RIMS1: variants seen among roughly 807,000 people sequenced by gnomAD.
The protein encoded by RIMS1 is regulating synaptic membrane exocytosis protein 1.
RIMS1 carries 83 observed loss-of-function variants against 214.1 expected under a neutral mutation model. The observed-to-expected ratio is 0.39, with a 90% confidence interval of 0.32 to 0.47. RIMS1 has a LOEUF of 0.47. RIMS1 is among the 20% of genes least tolerant of loss of function. The pLI is 0.99. For missense variants in RIMS1, 2,050 were observed against 2,161.8 expected (o/e 0.95, Z 1.03); for synonymous variants, 793 against 786.8 (o/e 1.01, Z -0.13).
intron 2 of RIMS1, among the ~76,000 whole-genome samples, chr6:72,068,880 C>T (rs1266056765): frequency 1.3e-5 from 2 of 150,790 alleles, no homozygotes; most frequent in Non-Finnish European, 2.9e-5. Context: ...CACTGTACTC[C>T]AGCCTGGGCG....
At chr6:72,321,825 G>A (rs191639242) in intron 28 of RIMS1, among the ~76,000 whole-genome samples, 63 of 151,998 alleles carry the variant, frequency 4.1e-4, no homozygotes, top group African/African-American at 1.4e-3. Context: ...ATCCCCTTCT[G>A]GGGACAGTAT....
chr6:71,949,544 T>G (rs1036944827), intron 1 of RIMS1, among the ~76,000 whole-genome samples: 28 of 152,180 alleles, frequency 1.8e-4, no homozygotes, highest in Non-Finnish European at 3.7e-4. Context: ...ACTTCAGTTT[T>G]CTCACCTGAA....
At chr6:71,953,686 A>G (rs1314652828) in intron 1 of RIMS1, among the ~76,000 whole-genome samples, 1 of 152,214 alleles carries the variant, frequency 6.6e-6, no homozygotes, top group Non-Finnish European at 1.5e-5. Flanking sequence ...CTTACCTATT[A>G]GAATAACAGT....
rs76759027 is a variant in RIMS1, at chr6:72,194,908, A to G, written c.1678+11759A>G. Reference sequence around the variant, plus strand: ...GCATCTCTTGTCTTTTAGCTTATAAATACTAACTAATATAAATCTCTCTAA... The same window carrying G: ...GCATCTCTTGTCTTTTAGCTTATAAGTACTAACTAATATAAATCTCTCTAA... On this transcript the variant is annotated intron_variant, in intron 6 of 33. Coordinates refer to ENST00000521978, the MANE Select transcript of RIMS1 (RefSeq NM_014989.7). Among the ~76,000 whole-genome samples the G allele has an allele frequency of 2.4e-3, 364 of 152,290 alleles. 1 individual carries two copies. Among genetic ancestry groups the G allele is most frequent in the Middle Eastern group, 0.02 (6 of 294 alleles).
intron 3 of RIMS1, among the ~76,000 whole-genome samples, chr6:72,099,371 T>C (rs72934889): frequency 0.015 from 2,341 of 152,302 alleles, 32 homozygotes; most frequent in Non-Finnish European, 0.023. Context: ...CATCTTAAGA[T>C]ATTTCATTCG....
At chr6:72,276,194 AAC>A (rs1420060354) in intron 23 of RIMS1, among the ~76,000 whole-genome samples, 18 of 152,200 alleles carry the variant, frequency 1.2e-4, no homozygotes, top group African/African-American at 4.3e-4. Context: ...CAGCCTGGGC[AAC>A]AGAGTGAGAA....
intron 6 of RIMS1, among the ~76,000 whole-genome samples, chr6:72,199,338 A>G (rs752394301): frequency 2.6e-5 from 4 of 152,098 alleles, no homozygotes; most frequent in Admixed American, 6.6e-5. Context: ...ACTTAACTAC[A>G]TTTTTCTCTG....
At chr6:72,100,867 A>G (rs2033388085) in intron 4 of RIMS1, among the ~76,000 whole-genome samples, 1 of 152,014 alleles carries the variant, frequency 6.6e-6, no homozygotes, top group Non-Finnish European at 1.5e-5. Flanking sequence ...CTGAACATTA[A>G]TCTGTGTTTC....
At chr6:72,235,862 T>A (rs2063798959) in intron 8 of RIMS1, 134 bp downstream of exon 8, 1 of 402,048 alleles carries the variant, frequency 2.5e-6, no homozygotes, top group East Asian at 3.8e-5. Context: ...CATATAGATA[T>A]GTTAGGAAAA....
At chr6:72,150,683 G>T (rs2043424241) in intron 4 of RIMS1, among the ~76,000 whole-genome samples, 1 of 152,194 alleles carries the variant, frequency 6.6e-6, no homozygotes, top group African/African-American at 2.4e-5. Context: ...TGAAGTAAAT[G>T]AATATGCAAT....
intron 26 of RIMS1, among the ~76,000 whole-genome samples, chr6:72,298,283 T>TA (rs1453903152): frequency 6.6e-6 from 1 of 152,030 alleles, no homozygotes; most frequent in Non-Finnish European, 1.5e-5. Flanking sequence ...GTGACTCTAC[T>TA]AAAAGTGTTA....
At chr6:72,022,335 C>T (rs1285528535) in intron 2 of RIMS1, among the ~76,000 whole-genome samples, 2 of 152,270 alleles carry the variant, frequency 1.3e-5, no homozygotes, top group African/African-American at 2.4e-5. Flanking sequence ...ATGGAGTCCC[C>T]TGTTCCCCTT....
At chr6:72,381,062 A>G (rs995311266) in intron 29 of RIMS1, among the ~76,000 whole-genome samples, 1 of 152,222 alleles carries the variant, frequency 6.6e-6, no homozygotes, top group Non-Finnish European at 1.5e-5. Flanking sequence ...CTTAAAGAGC[A>G]GATATTTATT....
chr6:72,082,300 T>G (rs1833593845), intron 2 of RIMS1, among the ~76,000 whole-genome samples: 1 of 152,214 alleles, frequency 6.6e-6, no homozygotes, highest in Non-Finnish European at 1.5e-5. Context: ...TGTTCACTGT[T>G]TCCTCTATAC....
rs542527746 is a variant in RIMS1, at chr6:72,290,868, A to G, written c.3737+7A>G. ...CTTCTCCGCTTCTGACAAGGTCGCT[A>G]TTCAGTGTCCCCCTCAGCATTCATG... On this transcript the variant is annotated splice_region_variant and intron_variant, in intron 25 of 33. Transcript: ENST00000521978. 1.2e-6 allele frequency: 2 copies of G among 1,611,374 alleles called. No homozygotes were observed. Among genetic ancestry groups the G allele is most frequent in the Admixed American group, 1.7e-5 (1 of 59,978 alleles).
intron 4 of RIMS1, among the ~76,000 whole-genome samples, chr6:72,125,534 C>T (rs1015767268): frequency 2.0e-5 from 3 of 152,182 alleles, no homozygotes; most frequent in Non-Finnish European, 2.9e-5. Context: ...CAGACAGGGA[C>T]GTTTAAGTCT....
intron 28 of RIMS1, among the ~76,000 whole-genome samples, chr6:72,330,193 T>A (rs1299470730): frequency 6.6e-6 from 1 of 151,796 alleles, no homozygotes; most frequent in Non-Finnish European, 1.5e-5. Flanking sequence ...CATGACATAT[T>A]GAGAGGTCAA....
intron 2 of RIMS1, among the ~76,000 whole-genome samples, chr6:72,002,292 A>G (rs1805512873): frequency 6.6e-6 from 1 of 151,816 alleles, no homozygotes; most frequent in African/African-American, 2.4e-5. Flanking sequence ...ACAGGAGGAA[A>G]AGATGTTATT....
intron 5 of RIMS1, among the ~76,000 whole-genome samples, chr6:72,181,278 A>G (rs1444432828): frequency 1.3e-5 from 2 of 152,222 alleles, no homozygotes; most frequent in Admixed American, 6.5e-5. Flanking sequence ...TACACAGCGT[A>G]TAAGAGGGCA....
Sources: allele counts gnomAD v4.1 joint callset (sites outside exome capture counted in the v4.1 genomes callset), GRCh38; gene constraint gnomAD v4.1.1; transcripts MANE v1.5; gene names NCBI Gene and HGNC (gene_info 2026-07-23, HGNC 2026-07-21).